TSPAN18: variants seen among roughly 807,000 people sequenced by gnomAD.
TSPAN18 encodes tetraspanin 18.
In TSPAN18, 14 loss-of-function variants were observed where a neutral mutation model predicts 27.3. The observed-to-expected ratio is 0.51, with a 90% CI of 0.34 to 0.80. TSPAN18 has a LOEUF of 0.80. Ranked by LOEUF, TSPAN18 falls within the 30% of genes least tolerant of loss-of-function variation. TSPAN18 has a pLI of 0.01. For synonymous variants in TSPAN18, 143 were observed against 136.5 expected, an observed-to-expected ratio of 1.05 and a Z score of -0.33; for missense variants, 268 against 323.9, an observed-to-expected ratio of 0.83 and a Z score of 1.32.
chr11:44,926,786 C>G, intron 9 of TSPAN18, 29 bp downstream of exon 9: 3 of 1,606,062 alleles, frequency 1.9e-6, no homozygotes, highest in Non-Finnish European at 2.6e-6. Context: ...TTCTGCCGCT[C>G]CCCAGGATGA....
chr11:44,929,380 G>T lies in TSPAN18; in HGVS notation c.*202G>T. On this transcript the variant is annotated 3_prime_UTR_variant, in exon 10 of 10. Transcript: ENST00000520358. Reference sequence around the variant, plus strand: ...CAAAAATATGGACTGATGTATCCTCGCCTGGACTCAGGGCAGGTGCCGTGG... The same window carrying T: ...CAAAAATATGGACTGATGTATCCTCTCCTGGACTCAGGGCAGGTGCCGTGG... The T allele has an allele frequency of 4.6e-6, 3 of 656,028 alleles. No individual in the cohort carries two copies. The highest frequency in any genetic ancestry group is 7.7e-6 in the Non-Finnish European group (3 of 391,432). The allele number at this position is 656,028 out of a possible 1,614,324, so 40.6% of individuals were successfully genotyped here.
intron 2 of TSPAN18, among the ~76,000 whole-genome samples, chr11:44,847,469 T>C (rs1857509185): frequency 6.6e-6 from 1 of 152,268 alleles, no homozygotes; most frequent in Admixed American, 6.5e-5. Flanking sequence ...GTAGCACTTA[T>C]CAGAACTTCA....
At chr11:44,726,877 C>T (rs1302333303), upstream of TSPAN18, 4 of 5,622 alleles carry the variant, frequency 7.1e-4, no homozygotes, top group African/African-American at 1.1e-3. Flanking sequence ...CCGGGAGGGG[C>T]GGAGGTTTGG....
intron 2 of TSPAN18, among the ~76,000 whole-genome samples, chr11:44,839,356 C>G (rs749226906): frequency 3.9e-5 from 6 of 152,218 alleles, no homozygotes; most frequent in Non-Finnish European, 8.8e-5. Flanking sequence ...CTCAGACACT[C>G]CTGGGATTAG....
chr11:44,781,309 AG>A (rs2134951848), intron 2 of TSPAN18, among the ~76,000 whole-genome samples: 1 of 152,356 alleles, frequency 6.6e-6, no homozygotes, highest in Non-Finnish European at 1.5e-5. Context: ...TCTTCCATGC[AG>A]GTCCAGAAGC....
intron 1 of TSPAN18, among the ~76,000 whole-genome samples, chr11:44,763,007 G>A (rs1855488774): frequency 6.6e-6 from 1 of 152,190 alleles, no homozygotes; most frequent in Non-Finnish European, 1.5e-5. Flanking sequence ...ACTTCCCACA[G>A]CCAAAGTTCT....
intron 3 of TSPAN18, among the ~76,000 whole-genome samples, chr11:44,877,286 G>C (rs1858363402): frequency 6.6e-6 from 1 of 152,236 alleles, no homozygotes; most frequent in Non-Finnish European, 1.5e-5. Context: ...CAGTTCTCCA[G>C]CGCTGCCTTT....
chr11:44,907,085 C>G (rs148599380), intron 4 of TSPAN18, among the ~76,000 whole-genome samples: 7 of 152,344 alleles, frequency 4.6e-5, no homozygotes, highest in African/African-American at 1.7e-4. Flanking sequence ...TGGATGTGGG[C>G]AGTCCTCAAT....
intron 1 of TSPAN18, among the ~76,000 whole-genome samples, chr11:44,740,289 C>A (rs1047952401): frequency 1.3e-5 from 2 of 152,206 alleles, no homozygotes; most frequent in Non-Finnish European, 2.9e-5. Context: ...TGGGTCAGGA[C>A]AGAGGGCATC....
intron 1 of TSPAN18, among the ~76,000 whole-genome samples, chr11:44,749,003 G>C (rs1212852784): frequency 6.6e-6 from 1 of 152,214 alleles, no homozygotes; most frequent in East Asian, 1.9e-4. Context: ...TGATAAGACT[G>C]GTGCATGGTG....
intron 2 of TSPAN18, among the ~76,000 whole-genome samples, chr11:44,831,924 G>T (rs551594883): frequency 1.8e-4 from 28 of 152,270 alleles, no homozygotes; most frequent in African/African-American, 6.5e-4. Flanking sequence ...TAAGATCCAG[G>T]ATAAGAGGTT....
intron 5 of TSPAN18, among the ~76,000 whole-genome samples, chr11:44,910,606 G>A (rs549961288): frequency 1.3e-4 from 20 of 152,318 alleles, no homozygotes; most frequent in African/African-American, 4.6e-4. Context: ...TAGTAACATC[G>A]CTAAGATGCC....
intron 5 of TSPAN18, among the ~76,000 whole-genome samples, chr11:44,915,765 G>GC (rs1363960697): frequency 1.3e-5 from 2 of 152,216 alleles, no homozygotes; most frequent in Admixed American, 1.3e-4. Context: ...GCTCCAAAGA[G>GC]CTCTGCACCT....
intron 2 of TSPAN18, among the ~76,000 whole-genome samples, chr11:44,826,830 A>G (rs956014646): frequency 1.3e-5 from 2 of 152,008 alleles, no homozygotes; most frequent in Admixed American, 6.6e-5. Flanking sequence ...TGCCTTGGGG[A>G]GCCTGGGGTA....
intron 1 of TSPAN18, among the ~76,000 whole-genome samples, chr11:44,730,765 A>G (rs1247122764): frequency 6.6e-6 from 1 of 152,002 alleles, no homozygotes; most frequent in Non-Finnish European, 1.5e-5. Flanking sequence ...CTGGGATTAC[A>G]GGTGTGTGCC....
At chr11:44,887,439 A>G (rs1858694282) in intron 3 of TSPAN18, among the ~76,000 whole-genome samples, 2 of 152,212 alleles carry the variant, frequency 1.3e-5, no homozygotes, top group Non-Finnish European at 2.9e-5. Flanking sequence ...GAGTCACTTC[A>G]TCTCTCTGAC....
intron 2 of TSPAN18, among the ~76,000 whole-genome samples, chr11:44,772,843 A>C (rs1350544812): frequency 6.6e-6 from 1 of 151,862 alleles, no homozygotes; most frequent in African/African-American, 2.4e-5. Flanking sequence ...TTTTTAGTAG[A>C]AACAGGGTTT....
rs1021646471 is a variant in TSPAN18 at position 44,930,629 on chromosome 11, G to A, written c.*1451G>A. 5.6e-5 allele frequency: 19 copies of A among 339,376 alleles called. No homozygotes were observed. The Admixed American group carries it at 5.9e-4, about 10-fold the overall frequency. The allele number at this position is 339,376 out of a possible 1,614,324, so 21.0% of individuals were successfully genotyped here. A position where few individuals can be genotyped will look rare whatever the true frequency, so the allele number is the denominator to read the frequency against. ...AGTATTCAGTTCTCAAACTCTAGACGAGTGTTGGCAACTGGATTGCAAGAT... is the reference window on the plus strand; with the variant it reads ...AGTATTCAGTTCTCAAACTCTAGACAAGTGTTGGCAACTGGATTGCAAGAT... On this transcript the variant is annotated 3_prime_UTR_variant, in exon 10 of 10. Coordinates refer to ENST00000520358, the MANE Select transcript of TSPAN18 (RefSeq NM_130783.5).
chr11:44,813,212 G>C (rs2135102796), intron 2 of TSPAN18, among the ~76,000 whole-genome samples: 1 of 152,338 alleles, frequency 6.6e-6, no homozygotes, highest in East Asian at 1.9e-4. Flanking sequence ...AGCAGGGGAA[G>C]ACCATCTGCA....
Sources: allele counts gnomAD v4.1 joint callset (sites outside exome capture counted in the v4.1 genomes callset), GRCh38; gene constraint gnomAD v4.1.1; transcripts MANE v1.5; gene names NCBI Gene and HGNC (gene_info 2026-07-23, HGNC 2026-07-21).